Variants in CPNE4 observed in about 807,000 individuals in gnomAD.
The protein encoded by CPNE4 is copine-4.
CPNE4 carries 25 observed loss-of-function variants against 67.9 expected under a neutral mutation model. The observed-to-expected ratio is 0.37, with a 90% CI of 0.27 to 0.51. CPNE4 has a LOEUF of 0.51. CPNE4 is among the 20% of genes least tolerant of loss of function. CPNE4 has a pLI of 0.93. For synonymous variants in CPNE4, 242 were observed against 244.9 expected (o/e 0.99, Z 0.11); for missense variants, 464 against 690.8 (o/e 0.67, Z 3.68).
intron 2 of CPNE4, among the ~76,000 whole-genome samples, chr3:131,883,404 A>C (rs1583399381): frequency 6.6e-6 from 1 of 152,098 alleles, no homozygotes; most frequent in Non-Finnish European, 1.5e-5. Context: ...CTCATTTTCA[A>C]CCACTGTTAT....
chr3:131,698,909 CAAAAAA>C (rs750798265), intron 4 of CPNE4, among the ~76,000 whole-genome samples: 5 of 87,064 alleles, frequency 5.7e-5, no homozygotes, highest in African/African-American at 1.4e-4. Flanking sequence ...GACACTGTCT[CAAAAAA>C]AAAAAAAAAA....
chr3:131,732,929 G>GAC (rs2082160066), intron 2 of CPNE4, among the ~76,000 whole-genome samples: 1 of 152,114 alleles, frequency 6.6e-6, no homozygotes, highest in African/African-American at 2.4e-5. Flanking sequence ...TCCTGTTAGT[G>GAC]ACAACACCAT....
intron 2 of CPNE4, among the ~76,000 whole-genome samples, chr3:131,863,604 A>T (rs923101933): frequency 6.6e-6 from 1 of 152,174 alleles, no homozygotes; most frequent in African/African-American, 2.4e-5. Context: ...TCTGGATATT[A>T]GCCCTTTGTC....
At chr3:131,625,554 A>G (rs2079053020) in intron 7 of CPNE4, among the ~76,000 whole-genome samples, 1 of 152,150 alleles carries the variant, frequency 6.6e-6, no homozygotes, top group Admixed American at 6.5e-5. Context: ...CAACTTTGGT[A>G]TTGGCTAGAG....
chr3:131,806,885 G>T (rs973620995), intron 2 of CPNE4, among the ~76,000 whole-genome samples: 1 of 152,158 alleles, frequency 6.6e-6, no homozygotes, highest in Non-Finnish European at 1.5e-5. Flanking sequence ...CGGTTAAGAA[G>T]GGAGGAAGTT....
chr3:131,915,915 ATATTAACTT>A (rs1367337146), intron 1 of CPNE4, among the ~76,000 whole-genome samples: 5 of 152,348 alleles, frequency 3.3e-5, no homozygotes, highest in Admixed American at 3.3e-4. Flanking sequence ...CATCACATTT[ATATTAACTT>A]TATAGCACTC....
intron 1 of CPNE4, among the ~76,000 whole-genome samples, chr3:131,945,386 G>T (rs184872209): frequency 1.2e-4 from 18 of 152,290 alleles, no homozygotes; most frequent in Admixed American, 1.2e-3. Flanking sequence ...TCCTCCAGCT[G>T]CTATACCTTC....
intron 2 of CPNE4, among the ~76,000 whole-genome samples, chr3:131,794,137 C>G (rs2083856348): frequency 6.6e-6 from 1 of 152,204 alleles, no homozygotes; most frequent in African/African-American, 2.4e-5. Context: ...AGGAATGACA[C>G]TTCTCCTTGG....
intron 7 of CPNE4, among the ~76,000 whole-genome samples, chr3:131,665,693 G>A (rs62283183): frequency 1.7e-4 from 15 of 87,566 alleles, no homozygotes; most frequent in South Asian, 4.0e-4. Context: ...ACAAAAAACA[G>A]AAAGAAAAGA....
chr3:131,717,497 G>A (rs1044514786), intron 3 of CPNE4, among the ~76,000 whole-genome samples: 3 of 152,088 alleles, frequency 2.0e-5, no homozygotes, highest in Non-Finnish European at 4.4e-5. Flanking sequence ...GTCAGCTGCC[G>A]ATTGTCACCC....
chr3:131,969,255 A>G (rs980946927), intron 1 of CPNE4, among the ~76,000 whole-genome samples: 3 of 152,020 alleles, frequency 2.0e-5, no homozygotes, highest in Non-Finnish European at 2.9e-5. Context: ...TACCTAATGC[A>G]TGCGGGTCTT....
intron 2 of CPNE4, among the ~76,000 whole-genome samples, chr3:131,831,875 C>G (rs923530085): frequency 6.6e-6 from 1 of 152,124 alleles, no homozygotes; most frequent in African/African-American, 2.4e-5. Flanking sequence ...GTTGTATTTT[C>G]TTTCATCCAT....
At chr3:131,798,918 C>A (rs2083995577) in intron 2 of CPNE4, among the ~76,000 whole-genome samples, 1 of 151,970 alleles carries the variant, frequency 6.6e-6, no homozygotes, top group African/African-American at 2.4e-5. Context: ...TTAAAAAAAA[C>A]CACAAACCCA....
Position 131,550,053 on chromosome 3 carries a change from T to G in CPNE4, c.1196A>C (p.Gln399Pro). The G allele has an allele frequency of 6.2e-7, 1 of 1,613,154 alleles. No individual in the cohort carries two copies. The highest frequency in any genetic ancestry group is 8.5e-7 in the Non-Finnish European group (1 of 1,179,372). The change falls in exon 14 of 16, where the codon CAG (glutamine) becomes CCG (proline). Residue 399 changes from glutamine (Q) to proline (P), a missense_variant. By Grantham distance (76) the Gln-to-Pro change is moderately conservative. Coordinates refer to ENST00000429747, the MANE Select transcript of CPNE4 (RefSeq NM_130808.3). ...AGIQGVVEAY[Q>P]SCLPKLQLYG... Reference sequence around the variant, plus strand: ...GAGTTGGAGCTTAGGAAGACAGCTCTGATAGGCTTCCACAACTCCTTGAAT... The same window carrying G: ...GAGTTGGAGCTTAGGAAGACAGCTCGGATAGGCTTCCACAACTCCTTGAAT...
chr3:131,652,052 A>G (rs1401048414), intron 7 of CPNE4, among the ~76,000 whole-genome samples: 1 of 152,036 alleles, frequency 6.6e-6, no homozygotes, highest in Non-Finnish European at 1.5e-5. Context: ...TGCTGTTATC[A>G]TTTTTAGCTT....
At chr3:132,003,999 T>C (rs917838726) in intron 1 of CPNE4, among the ~76,000 whole-genome samples, 6 of 151,980 alleles carry the variant, frequency 3.9e-5, no homozygotes, top group African/African-American at 9.7e-5. Context: ...CCTGATTAAA[T>C]TGGATTTCAT....
At chr3:131,974,895 C>A (rs1346539453) in intron 1 of CPNE4, among the ~76,000 whole-genome samples, 4 of 152,076 alleles carry the variant, frequency 2.6e-5, no homozygotes, top group Non-Finnish European at 5.9e-5. Flanking sequence ...GTAGTCCCAG[C>A]TGCTCGGGAG....
intron 2 of CPNE4, among the ~76,000 whole-genome samples, chr3:131,819,667 G>A (rs1300557020): frequency 2.0e-5 from 3 of 152,156 alleles, no homozygotes; most frequent in East Asian, 1.9e-4. Flanking sequence ...TGCCAACAGA[G>A]AGAAAACAAA....
At chr3:131,987,799 C>T (rs959688162) in intron 1 of CPNE4, among the ~76,000 whole-genome samples, 5 of 152,142 alleles carry the variant, frequency 3.3e-5, no homozygotes, top group African/African-American at 1.2e-4. Flanking sequence ...AACACGTTCC[C>T]AAGCAATTCT....
Sources: allele counts gnomAD v4.1 joint callset (sites outside exome capture counted in the v4.1 genomes callset), GRCh38; gene constraint gnomAD v4.1.1; transcripts MANE v1.5; gene names NCBI Gene and HGNC (gene_info 2026-07-23, HGNC 2026-07-21).